Variants in ADGRG3 observed in about 807,000 individuals in gnomAD.
ADGRG3 encodes the protein adhesion G protein-coupled receptor G3, also known as G protein-coupled receptor 97.
A neutral mutation model predicts 54.3 loss-of-function variants in ADGRG3; 39 were observed. The observed-to-expected ratio is 0.72, with a 90% CI of 0.56 to 0.94. ADGRG3 has a LOEUF of 0.94. Ranked by LOEUF, ADGRG3 falls within the 40% of genes least tolerant of loss-of-function variation. The probability of loss-of-function intolerance (pLI) is 0.00; values close to 1 mark genes in which losing one functional copy is unlikely to be tolerated. For missense variants in ADGRG3, 654 were observed against 694.6 expected (o/e 0.94, Z 0.66); for synonymous variants, 312 against 290.0 (o/e 1.08, Z -0.77).
At chr16:57,679,882 G>C (rs1170096822) in intron 6 of ADGRG3, 27 bp downstream of exon 6, 1 of 1,578,634 alleles carries the variant, frequency 6.3e-7, no homozygotes, top group Non-Finnish European at 8.7e-7. Context: ...CTTCTCTGGG[G>C]TAAGACAGGA....
In ADGRG3 at chr16:57,676,355, C is replaced by T; in HGVS notation, c.345+17C>T. ...CCCTCTCAGGTGAAGAGCTCCCCAG[C>T]CCTCTTGGCTGGTTCGGACCCTATT... On this transcript the variant is annotated intron_variant, in intron 3 of 11. Coordinates refer to ENST00000333493, the MANE Select transcript of ADGRG3 (RefSeq NM_170776.5). The T allele has an allele frequency of 1.1e-5, 18 of 1,612,290 alleles. No homozygotes were observed. Among genetic ancestry groups the T allele is most frequent in the Non-Finnish European group, 1.4e-5 (17 of 1,178,472 alleles).
chr16:57,684,942 C>A (rs1385348895), intron 10 of ADGRG3, among the ~76,000 whole-genome samples: 1 of 152,256 alleles, frequency 6.6e-6, no homozygotes, highest in Non-Finnish European at 1.5e-5. Context: ...GGGCTCTGCC[C>A]TGCCTGCTAT....
In ADGRG3 at chr16:57,668,358, C is replaced by T; in HGVS notation, c.11C>T (p.Pro4Leu). 6.4e-7 allele frequency: 1 copy of T among 1,574,254 alleles called. No individual in the cohort carries two copies. ...CAAGGCTGGCCAAGGATGGCGACGC[C>T]CAGGGGCCTGGGGGCCCTGCTCCTG... The part of the protein sequence containing the change: MAT[P>L]RGLGALLLLL... The change falls in exon 1 of 12, where the codon CCC becomes CTC. Residue 4 changes from proline (P) to leucine (L), a missense_variant. Physicochemically the swap from Pro to Leu is moderately conservative, Grantham distance 98. Transcript: ENST00000333493.
At position 57,685,741 on chromosome 16, in the gene ADGRG3, T is replaced by C; in HGVS notation, c.1355T>C (p.Leu452Pro). 1 of 1,614,164 alleles carries C rather than the reference T, an allele frequency of 6.2e-7. No individual in the cohort carries two copies. Among genetic ancestry groups the C allele is most frequent in the East Asian group, 2.2e-5 (1 of 44,884 alleles). Reference sequence around the variant, plus strand: ...CTCTTTGGCATGGTGGTCCTGGCCCTGGTGGTCTGGAAGATCTTCACCCTG... The same window carrying C: ...CTCTTTGGCATGGTGGTCCTGGCCCCGGTGGTCTGGAAGATCTTCACCCTG... ...TFLFGMVVLA[L>P]VVWKIFTLSR... Residue 452 changes from leucine to proline, a missense_variant, in exon 11 of 12, where the codon CTG (leucine) becomes CCG (proline). Physicochemically the swap from Leu to Pro is moderately conservative, Grantham distance 98. Coordinates refer to ENST00000333493, the MANE Select transcript of ADGRG3 (RefSeq NM_170776.5).
At position 57,679,160 on chromosome 16, in the gene ADGRG3, G is replaced by A. The variant is rs200245352; in HGVS notation, c.493-17G>A. The A allele has an allele frequency of 2.3e-4, 366 of 1,613,000 alleles. 1 individual carries two copies. The highest frequency in any genetic ancestry group is 3.0e-4 in the Admixed American group (18 of 59,988). Reference sequence around the variant, plus strand: ...GCCCCTTCTGCAGCCTGGCCTCCCCGATCTCCCCTTTCACAGGGCCCCCGG... The same window carrying A: ...GCCCCTTCTGCAGCCTGGCCTCCCCAATCTCCCCTTTCACAGGGCCCCCGG... On this transcript the variant is annotated splice_polypyrimidine_tract_variant and intron_variant, in intron 4 of 11. Transcript: ENST00000333493.
At chr16:57,678,121 CGT>C (rs2048295529) in intron 3 of ADGRG3, 47 bp from the exon 4 acceptor site, 1 of 1,598,476 alleles carries the variant, frequency 6.3e-7, no homozygotes, top group African/African-American at 1.3e-5. Flanking sequence ...TGGCAGGACT[CGT>C]GTTGGGGGGT....
At chr16:57,668,695 C>A (rs1387783292) in intron 1 of ADGRG3, among the ~76,000 whole-genome samples, 1 of 152,206 alleles carries the variant, frequency 6.6e-6, no homozygotes, top group Non-Finnish European at 1.5e-5. Flanking sequence ...ACTCCCCAAC[C>A]TGGGCTGTGT....
At chr16:57,673,841 G>A (rs1282443127) in intron 2 of ADGRG3, among the ~76,000 whole-genome samples, 1 of 152,190 alleles carries the variant, frequency 6.6e-6, no homozygotes, top group Non-Finnish European at 1.5e-5. Context: ...GGCTTTGAGG[G>A]TGCACAGGAG....
chr16:57,688,296 G>A (rs1227425910), intron 11 of ADGRG3, 56 bp from the exon 12 acceptor site: 2 of 1,108,862 alleles, frequency 1.8e-6, no homozygotes, highest in Non-Finnish European at 2.8e-6. Context: ...AGCCCAGGCT[G>A]CCCCACTCTC....
Position 57,684,482 on chromosome 16 carries a change from C to G in ADGRG3, c.1255C>G (p.Leu419Val). Reference sequence around the variant, plus strand: ...TAGGGAGAACCGCACCTCTCTGGAGCTGTGAGTGGCGGCTGTGGGAGCAGG... The same window carrying G: ...TAGGGAGAACCGCACCTCTCTGGAGGTGTGAGTGGCGGCTGTGGGAGCAGG... ...RDRENRTSLE[L>V]CWFREGTTMY... is the part of the protein sequence containing the mutation. Residue 419 changes from leucine (L) to valine (V), a missense_variant and splice_region_variant, in exon 10 of 12, where the codon CTA becomes GTA. Transcript: ENST00000333493. 6.2e-7 allele frequency: 1 copy of G among 1,611,436 alleles called. No individual in the cohort carries two copies. Among genetic ancestry groups the G allele is most frequent in the Non-Finnish European group, 8.5e-7 (1 of 1,177,788 alleles).
intron 11 of ADGRG3, among the ~76,000 whole-genome samples, chr16:57,687,754 A>G (rs1298203492): frequency 6.6e-6 from 1 of 152,184 alleles, no homozygotes; most frequent in Non-Finnish European, 1.5e-5. Flanking sequence ...TATAGCTGAC[A>G]TCGTTATTCT....
chr16:57,685,498 C>T, intron 10 of ADGRG3, 145 bp from the exon 11 acceptor site: 1 of 741,000 alleles, frequency 1.3e-6, no homozygotes, highest in Non-Finnish European at 2.3e-6. Flanking sequence ...AGGTGACGGC[C>T]CCTCCCACAG....
rs777777682 is a variant in ADGRG3, at chr16:57,679,694, C to A, written c.628-122C>A. On this transcript the variant is annotated intron_variant, in intron 5 of 11. Transcript: ENST00000333493. ...TTCTGTGTGGCCCATGGGTGTGAAC[C>A]TTGCTTTCTACCTAATGCACACTCA... 7.4e-5 allele frequency: 61 copies of A among 828,428 alleles called. 1 individual carries two copies. The highest frequency in any genetic ancestry group is 2.2e-4 in the Middle Eastern group (1 of 4,542). 51.3% of individuals were successfully genotyped at this position (828,428 alleles called of 1,614,324 possible).
At chr16:57,677,153 T>C (rs575235898) in intron 3 of ADGRG3, among the ~76,000 whole-genome samples, 15 of 152,308 alleles carry the variant, frequency 9.8e-5, no homozygotes, top group African/African-American at 3.6e-4. Context: ...GAGTCTGGAC[T>C]GGGAAGGAGA....
intron 8 of ADGRG3, 89 bp from the exon 9 acceptor site, chr16:57,683,843 T>C: frequency 9.5e-7 from 1 of 1,054,650 alleles, no homozygotes; most frequent in Non-Finnish European, 1.4e-6. Context: ...TGGAGAGCCA[T>C]AGGCTATTGG....
chr16:57,672,353 C>G (rs1402040245), intron 1 of ADGRG3, among the ~76,000 whole-genome samples: 3 of 152,016 alleles, frequency 2.0e-5, no homozygotes, highest in African/African-American at 7.3e-5. Flanking sequence ...TAGTGAGAAC[C>G]CCCTCTTCTT....
chr16:57,665,796 G>A (rs1312357710), upstream of ADGRG3, among the ~76,000 whole-genome samples: 1 of 152,172 alleles, frequency 6.6e-6, no homozygotes, highest in Non-Finnish European at 1.5e-5. Context: ...CCACTCTAGG[G>A]GGATGCCCAG....
chr16:57,684,796 C>A (rs1164018551), intron 10 of ADGRG3, among the ~76,000 whole-genome samples: 2 of 152,172 alleles, frequency 1.3e-5, no homozygotes, highest in African/African-American at 2.4e-5. Flanking sequence ...AAGAAGGTCA[C>A]CCCGTCCGCA....
intron 11 of ADGRG3, 81 bp from the exon 12 acceptor site, chr16:57,688,271 C>T (rs575815763): frequency 6.8e-6 from 6 of 886,414 alleles, no homozygotes; most frequent in South Asian, 5.2e-5. Context: ...GGTCTCCTCC[C>T]TCTCAGCAGC....
Sources: gnomAD v4.1 joint callset for allele counts (sites outside exome capture counted in the v4.1 genomes callset) on GRCh38, gnomAD v4.1.1 for gene constraint, MANE v1.5 for transcripts, NCBI Gene and HGNC (gene_info 2026-07-23, HGNC 2026-07-21) for gene names.